Variants in LMNTD1 observed in about 807,000 individuals in gnomAD.
The protein encoded by LMNTD1 is lamin tail domain containing 1.
A neutral mutation model predicts 50.9 loss-of-function variants in LMNTD1; 35 were observed. That is an observed-to-expected ratio of 0.69 (90% CI 0.53 to 0.91). The LOEUF (loss-of-function observed/expected upper bound fraction) is 0.91, where lower values mean the gene tolerates loss of function less well. LMNTD1 is among the 40% of genes least tolerant of loss of function. LMNTD1 has a pLI of 0.00. For synonymous variants in LMNTD1, 153 were observed against 161.9 expected (o/e 0.94, Z 0.42); for missense variants, 470 against 475.5 (o/e 0.99, Z 0.11).
At chr12:25,539,046 C>T (rs1312904396) in intron 4 of LMNTD1, among the ~76,000 whole-genome samples, 1 of 151,432 alleles carries the variant, frequency 6.6e-6, no homozygotes, top group Non-Finnish European at 1.5e-5. Context: ...TATGTGCACC[C>T]AATACAGGAG....
At chr12:25,569,100 A>G (rs565454159) in intron 1 of LMNTD1, among the ~76,000 whole-genome samples, 11 of 152,262 alleles carry the variant, frequency 7.2e-5, no homozygotes, top group Non-Finnish European at 1.6e-4. Context: ...AAAAGCCACA[A>G]GCACTCAACT....
chr12:25,541,724 A>G (rs1415595413), intron 4 of LMNTD1, among the ~76,000 whole-genome samples: 3 of 137,150 alleles, frequency 2.2e-5, no homozygotes, highest in African/African-American at 8.1e-5. Context: ...GACAAATGGG[A>G]TCTAATTAAA....
At chr12:25,569,650 T>G (rs576533769) in intron 1 of LMNTD1, among the ~76,000 whole-genome samples, 1 of 152,322 alleles carries the variant, frequency 6.6e-6, no homozygotes, top group South Asian at 2.1e-4. Context: ...ATGATTGGTT[T>G]AGCACCATCT....
At chr12:25,612,939 C>A (rs1946279703) in intron 1 of LMNTD1, among the ~76,000 whole-genome samples, 1 of 152,164 alleles carries the variant, frequency 6.6e-6, no homozygotes, top group South Asian at 2.1e-4. Flanking sequence ...TTCTTATAGG[C>A]AGACAGAGGG....
intron 4 of LMNTD1, among the ~76,000 whole-genome samples, chr12:25,543,041 C>G (rs73298444): frequency 0.019 from 2,961 of 151,998 alleles, 114 homozygotes; most frequent in African/African-American, 0.068. Context: ...AAAATGGACA[C>G]ATTTCTTGAA....
At chr12:25,523,913 A>C (rs1471315561) in intron 6 of LMNTD1, among the ~76,000 whole-genome samples, 1 of 151,980 alleles carries the variant, frequency 6.6e-6, no homozygotes, top group Non-Finnish European at 1.5e-5. Flanking sequence ...GAGAGGCAAG[A>C]GCATGCGCAA....
intron 9 of LMNTD1, among the ~76,000 whole-genome samples, chr12:25,494,338 A>G (rs971586505): frequency 1.3e-4 from 19 of 151,370 alleles, no homozygotes; most frequent in African/African-American, 4.6e-4. Context: ...TAATCCCGAT[A>G]CATACATAAC....
intron 9 of LMNTD1, among the ~76,000 whole-genome samples, chr12:25,483,447 T>C (rs1353349555): frequency 6.6e-6 from 1 of 150,504 alleles, no homozygotes. Flanking sequence ...ACAATTATTT[T>C]AAAAAGGAAA....
At chr12:25,515,297 T>A (rs1940673424) in intron 8 of LMNTD1, among the ~76,000 whole-genome samples, 1 of 152,048 alleles carries the variant, frequency 6.6e-6, no homozygotes, top group Non-Finnish European at 1.5e-5. Context: ...TAAATTTGTA[T>A]AATAAAATAC....
intron 8 of LMNTD1, among the ~76,000 whole-genome samples, chr12:25,506,664 CCTT>C (rs1314705286): frequency 1.3e-5 from 2 of 151,158 alleles, no homozygotes; most frequent in African/African-American, 4.9e-5. Context: ...TCTGACGACT[CCTT>C]CGTGCTGTAC....
chr12:25,556,695 G>A (rs1185883479), upstream of LMNTD1, among the ~76,000 whole-genome samples: 2 of 152,096 alleles, frequency 1.3e-5, no homozygotes, highest in Admixed American at 1.3e-4. Context: ...GGTCAAATTA[G>A]GGTAATGAAA....
chr12:25,519,587 C>A (rs574045253), intron 7 of LMNTD1, among the ~76,000 whole-genome samples: 61,748 of 93,192 alleles, frequency 0.66, 19,838 homozygotes, highest in Non-Finnish European at 0.74. Context: ...GACTCTGTCT[C>A]AAAAAAAAAA....
chr12:25,628,248 A>G (rs991764578), intron 1 of LMNTD1, among the ~76,000 whole-genome samples: 1 of 151,856 alleles, frequency 6.6e-6, no homozygotes, highest in Non-Finnish European at 1.5e-5. Context: ...CTGTGCCTCC[A>G]TAATTCACCA....
Position 25,552,947 on chromosome 12 carries a change from G to C in LMNTD1, c.13C>G (p.Gln5Glu). The C allele has an allele frequency of 6.3e-7, 1 of 1,578,492 alleles. No homozygotes were observed. The highest frequency in any genetic ancestry group is 8.6e-7 in the Non-Finnish European group (1 of 1,160,624). Residue 5 changes from glutamine to glutamate, a missense_variant, in exon 2 of 10, where the codon CAA becomes GAA. Transcript: ENST00000458174. ...GCCTTCGAAGCTTCCTGAATGTCTT[G>C]TGTATCTTTCATCTTGGCTAGAAAA... MKDT[Q>E]DIQEASKAMQ...
chr12:25,603,275 A>G (rs1946018386), intron 1 of LMNTD1, among the ~76,000 whole-genome samples: 1 of 152,060 alleles, frequency 6.6e-6, no homozygotes, highest in South Asian at 2.1e-4. Flanking sequence ...ATATTGCAAA[A>G]TGTTTGAAAA....
intron 4 of LMNTD1, among the ~76,000 whole-genome samples, chr12:25,532,002 A>C (rs1007586778): frequency 2.0e-5 from 3 of 152,070 alleles, no homozygotes; most frequent in Admixed American, 6.6e-5. Flanking sequence ...GTTTATGTTA[A>C]AATTTTTATC....
chr12:25,614,671 C>G (rs1190530647), intron 1 of LMNTD1, among the ~76,000 whole-genome samples: 1 of 152,148 alleles, frequency 6.6e-6, no homozygotes, highest in Non-Finnish European at 1.5e-5. Flanking sequence ...AGTCTAGCAC[C>G]TTGGGAGACA....
In LMNTD1 at chr12:25,623,348, G is replaced by A. The variant is rs375992255; in HGVS notation, c.58+25146C>T. 2.2e-4 allele frequency among the ~76,000 whole-genome samples: 34 copies of A among 151,800 alleles called. 1 individual carries two copies. The highest frequency in any genetic ancestry group is 7.5e-4 in the African/African-American group (31 of 41,412). On this transcript the variant is annotated intron_variant, in intron 1 of 7. Transcript: ENST00000445693. ...GTGGATCACTTGAGGTCAGGAGTTC[G>A]AGACCAGCCTGGCCAACATGGTAAA...
intron 1 of LMNTD1, among the ~76,000 whole-genome samples, chr12:25,613,893 A>T (rs1946297284): frequency 6.6e-6 from 1 of 151,978 alleles, no homozygotes; most frequent in Non-Finnish European, 1.5e-5. Context: ...ATGGGATTCA[A>T]GCAGATTCCT....
Sources: allele counts gnomAD v4.1 joint callset (sites outside exome capture counted in the v4.1 genomes callset), GRCh38; gene constraint gnomAD v4.1.1; transcripts MANE v1.5; gene names NCBI Gene and HGNC (gene_info 2026-07-23, HGNC 2026-07-21).